CACNA1H: variants seen among roughly 807,000 people sequenced by gnomAD.
CACNA1H encodes the protein calcium voltage-gated channel subunit alpha1 H.
CACNA1H carries 149 observed loss-of-function variants against 192.5 expected under a neutral mutation model. The ratio of observed to expected loss-of-function variants is 0.77; its 90% CI spans 0.68 to 0.89. The LOEUF is 0.89. Ranked by LOEUF, CACNA1H falls within the 40% of genes least tolerant of loss-of-function variation. The probability of loss-of-function intolerance (pLI) is 0.00; values close to 1 mark genes in which losing one functional copy is unlikely to be tolerated. For synonymous variants in CACNA1H, 2,202 were observed against 1,475.2 expected, an observed-to-expected ratio of 1.49 and a Z score of -11.29; for missense variants, 4,257 against 3,423.5, an observed-to-expected ratio of 1.24 and a Z score of -6.08.
intron 2 of CACNA1H, among the ~76,000 whole-genome samples, chr16:1,173,839 T>G (rs753968260): frequency 4.0e-5 from 6 of 151,806 alleles, no homozygotes; most frequent in Non-Finnish European, 7.4e-5. Context: ...ATGGGAGTTG[T>G]GGACATTAAC....
At chr16:1,177,088 T>TG (rs753816587) in intron 2 of CACNA1H, among the ~76,000 whole-genome samples, 9 of 152,308 alleles carry the variant, frequency 5.9e-5, no homozygotes, top group South Asian at 2.1e-4. Context: ...CAAAGGTCAC[T>TG]GACTTCACAG....
intron 2 of CACNA1H, among the ~76,000 whole-genome samples, chr16:1,181,375 C>T (rs555154283): frequency 2.8e-4 from 43 of 152,376 alleles, no homozygotes; most frequent in Middle Eastern, 3.4e-3. Flanking sequence ...CCCCCGGCAA[C>T]GGTGGGAGCT....
rs59487037 is a variant in CACNA1H at position 1,220,350 on chromosome 16, G to A, written c.6418G>A (p.Ala2140Thr). ...CCTGCGCAGGCTCTACAGCGTGGAT[G>A]CTCAGGGCTTCCTGGACAAGCCGGG... is the stretch of plus-strand genomic sequence containing the variant. ...RDLRRLYSVDAQGFLDKPGRA... is the reference protein window; with the variant it reads ...RDLRRLYSVDTQGFLDKPGRA... Residue 2140 changes from alanine (A) to threonine (T), a missense_variant, in exon 35 of 35, where the codon GCT (alanine) becomes ACT (threonine). By Grantham distance (58) the Ala-to-Thr change is moderately conservative. Coordinates refer to ENST00000348261, the MANE Select transcript of CACNA1H (RefSeq NM_021098.3). 2.8e-3 allele frequency: 4,217 copies of A among 1,527,028 alleles called. 16 individuals are homozygous for A. The highest frequency in any genetic ancestry group is 3.3e-3 in the Non-Finnish European group (3,791 of 1,145,670). 94.6% of individuals were successfully genotyped at this position (1,527,028 alleles called of 1,614,324 possible). A position where few individuals can be genotyped will look rare whatever the true frequency, so the allele number is the denominator to read the frequency against.
rs550577430 is a variant in CACNA1H at position 1,219,009 on chromosome 16, G to A, written c.5927G>A (p.Cys1976Tyr). The change falls in exon 34 of 35, where the codon TGT becomes TAT. Residue 1976 changes from cysteine to tyrosine, a missense_variant. Coordinates refer to ENST00000348261, the MANE Select transcript of CACNA1H (RefSeq NM_021098.3). ...GTGCACTCTCCGCCCGCAGAGTCCT[G>A]TGCCTCCCTCCAGATCCCATTGGCT... ...ASVHSPPAES[C>Y]ASLQIPLAVS... 13 of 1,550,182 alleles carry A rather than the reference G, an allele frequency of 8.4e-6. No homozygotes were observed. The highest frequency in any genetic ancestry group is 1.4e-5 in the African/African-American group (1 of 73,038).
chr16:1,204,067 G>A lies in CACNA1H; in HGVS notation c.2060G>A (p.Ser687Asn). Residue 687 changes from serine (S) to asparagine (N), a missense_variant, in exon 10 of 35, where the codon AGC (serine) becomes AAC (asparagine). Physicochemically the swap from Ser to Asn is conservative, Grantham distance 46 (BLOSUM62 1). Coordinates refer to ENST00000348261, the MANE Select transcript of CACNA1H (RefSeq NM_021098.3). ...CTCAGTGTGCCCTGCCCCCTGCCCA[G>A]CCCCCCAGCGGGCACACTGACCTGT... is the stretch of plus-strand genomic sequence containing the variant. ...SGLSVPCPLPSPPAGTLTCEL... is the reference protein window; with the variant it reads ...SGLSVPCPLPNPPAGTLTCEL... The A allele has an allele frequency of 6.2e-7, 1 of 1,600,976 alleles. No individual in the cohort carries two copies. The highest frequency in any genetic ancestry group is 8.5e-7 in the Non-Finnish European group (1 of 1,174,710).
At chr16:1,199,044 C>CCCCCACCAT in intron 6 of CACNA1H, 1 of 400,992 alleles carries the variant, frequency 2.5e-6, no homozygotes, top group East Asian at 4.7e-5. Context: ...ACCATGGCTC[C>CCCCCACCAT]GCCCACCGCG....
chr16:1,220,724 C>T lies in CACNA1H; in HGVS notation c.6792C>T (p.Pro2264=), dbSNP rs1292750287. The T allele has an allele frequency of 1.7e-5, 27 of 1,612,312 alleles. No homozygotes were observed. The highest frequency in any genetic ancestry group is 2.1e-5 in the Non-Finnish European group (25 of 1,179,674). The change falls in exon 35 of 35, where the codon CCC becomes CCT. Residue 2264 remains proline, a synonymous_variant. Transcript: ENST00000348261. ...ASCRAEHLTV[P]SFAFEPLDLG... is the part of the protein sequence containing the mutation. ...GCCGGGCTGAGCACCTGACCGTCCC[C>T]AGCTTTGCCTTTGAGCCGCTGGACC...
rs949013048 is a variant in CACNA1H, at chr16:1,167,550, C to T, written c.299+13514C>T. 6.6e-6 allele frequency among the ~76,000 whole-genome samples: 1 copy of T among 152,152 alleles called. No homozygotes were observed. The highest frequency in any genetic ancestry group is 1.5e-5 in the Non-Finnish European group (1 of 68,016). On this transcript the variant is annotated intron_variant, in intron 2 of 34. Coordinates refer to ENST00000348261, the MANE Select transcript of CACNA1H (RefSeq NM_021098.3). The surrounding 1 kb of genome is among the most constrained non-coding windows in gnomAD (Gnocchi z 4.2). Reference sequence around the variant, plus strand: ...GGGTTTCCTGTTACCTTTGCCAAGTCGAGGAAGGCTGGAGCCACACTCCTC... The same window carrying T: ...GGGTTTCCTGTTACCTTTGCCAAGTTGAGGAAGGCTGGAGCCACACTCCTC...
At chr16:1,219,924 C>T (rs1033694018) in intron 34 of CACNA1H, 57 bp from the exon 35 acceptor site, 4 of 1,232,262 alleles carry the variant, frequency 3.2e-6, no homozygotes, top group Non-Finnish European at 3.1e-6. Flanking sequence ...CGAGCCCTGG[C>T]CACTGACAGG....
chr16:1,210,639 G>A lies in CACNA1H; in HGVS notation c.4026G>A (p.Glu1342=), dbSNP rs890134153. 3 of 1,604,880 alleles carry A rather than the reference G, an allele frequency of 1.9e-6. No homozygotes were observed. Among genetic ancestry groups the A allele is most frequent in the African/African-American group, 2.7e-5 (2 of 74,920 alleles). Residue 1342 remains glutamate (E), a synonymous_variant, in exon 20 of 35, where the codon GAG becomes GAA. Coordinates refer to ENST00000348261, the MANE Select transcript of CACNA1H (RefSeq NM_021098.3). ...TCTTCACGGCCATCTTCGTGGCGGA[G>A]ATGATGGTGAAGGTACCGCGGGGCC... ...NYIFTAIFVA[E]MMVKVVALGL... is the part of the protein sequence containing the mutation.
intron 11 of CACNA1H, among the ~76,000 whole-genome samples, chr16:1,205,835 C>T (rs1177697369): frequency 2.6e-5 from 4 of 152,184 alleles, no homozygotes; most frequent in African/African-American, 4.8e-5. Context: ...GCGCCCTCGG[C>T]GAAGGAGCTT....
chr16:1,155,007 C>G (rs984140453), intron 2 of CACNA1H, among the ~76,000 whole-genome samples: 1 of 152,186 alleles, frequency 6.6e-6, no homozygotes, highest in Non-Finnish European at 1.5e-5. Context: ...TGGAGAGACC[C>G]TGCCCGCAGA....
In CACNA1H at chr16:1,216,913, C is replaced by G. The variant is rs756250668; in HGVS notation, c.5245-19C>G. 6.9e-6 allele frequency: 11 copies of G among 1,591,756 alleles called. No individual in the cohort carries two copies. The highest frequency in any genetic ancestry group is 2.3e-5 in the East Asian group (1 of 44,100). ...CCCTGCCCGCCCGTCTGACCCAGCT[C>G]TGCTTCTCTCTTGTGTAGGTGGGGA... On this transcript the variant is annotated intron_variant, in intron 30 of 34. Coordinates refer to ENST00000348261, the MANE Select transcript of CACNA1H (RefSeq NM_021098.3).
chr16:1,205,208 C>T lies in CACNA1H; in HGVS notation c.2546C>T (p.Pro849Leu), dbSNP rs571237069. 5.3e-5 allele frequency: 85 copies of T among 1,613,058 alleles called. 2 individuals carry two copies. The highest frequency in any genetic ancestry group is 1.3e-5 in the African/African-American group (1 of 75,046). ...CTGCTGAAGCTGCTGGCCTGCGGCC[C>T]TCTGGGCTACATCCGGAACCCGTAC... ...EMLLKLLACG[P>L]LGYIRNPYNI... Residue 849 changes from proline (P) to leucine (L), a missense_variant, in exon 11 of 35, where the codon CCT (proline) becomes CTT (leucine). Pro to Leu is a moderately conservative substitution (Grantham distance 98). Coordinates refer to ENST00000348261, the MANE Select transcript of CACNA1H (RefSeq NM_021098.3).
At chr16:1,197,512 A>G (rs1205762816) in intron 5 of CACNA1H, among the ~76,000 whole-genome samples, 1 of 152,114 alleles carries the variant, frequency 6.6e-6, no homozygotes, top group Admixed American at 6.5e-5. Context: ...AGAACTAGGG[A>G]ACTCTTCCAG....
chr16:1,181,788 CTG>C (rs139396697), intron 2 of CACNA1H, among the ~76,000 whole-genome samples: 1 of 152,204 alleles, frequency 6.6e-6, no homozygotes, highest in Non-Finnish European at 1.5e-5. Context: ...CTGAAGAGGG[CTG>C]TGTGTGAGTT....
At chr16:1,213,143 C>T (rs1222153870) in intron 26 of CACNA1H, among the ~76,000 whole-genome samples, 1 of 152,228 alleles carries the variant, frequency 6.6e-6, no homozygotes, top group South Asian at 2.1e-4. Context: ...GGTCTGGAGT[C>T]CGGCAGACCC....
In CACNA1H at chr16:1,158,718, G is replaced by A. The variant is rs545949554; in HGVS notation, c.299+4682G>A. 2.1e-3 allele frequency among the ~76,000 whole-genome samples: 326 copies of A among 152,292 alleles called. 2 individuals are homozygous for A. The highest frequency in any genetic ancestry group is 7.5e-3 in the African/African-American group (312 of 41,572). On this transcript the variant is annotated intron_variant, in intron 2 of 34. Transcript: ENST00000348261. ...CAGACCCGCTTCTGCGGCCGGGGCTGCCGGGCATGTGACCTTGGTGCTCTT... is the reference window on the plus strand; with the variant it reads ...CAGACCCGCTTCTGCGGCCGGGGCTACCGGGCATGTGACCTTGGTGCTCTT...
At chr16:1,198,876 C>T (rs1005945312) in intron 6 of CACNA1H, 102 bp downstream of exon 6, 17 of 1,158,522 alleles carry the variant, frequency 1.5e-5, no homozygotes, top group African/African-American at 6.1e-5. Flanking sequence ...CTCTGCCCAC[C>T]GTGCAGTCAC....
Sources: gnomAD v4.1 joint callset for allele counts (sites outside exome capture counted in the v4.1 genomes callset) on GRCh38, gnomAD v4.1.1 for gene constraint, Gnocchi (gnomAD v3.1) non-coding constraint, MANE v1.5 for transcripts, NCBI Gene and HGNC (gene_info 2026-07-23, HGNC 2026-07-21) for gene names.